Variants in CLCN4 observed in about 807,000 individuals in gnomAD.
The protein encoded by CLCN4 is Cl-/H+ antiporter 4.
CLCN4 carries 1 observed loss-of-function variant against 41.7 expected under a neutral mutation model. The ratio of observed to expected loss-of-function variants is 0.02; its 90% CI spans 0.01 to 0.11. The LOEUF (loss-of-function observed/expected upper bound fraction) is 0.11, where lower values mean the gene tolerates loss of function less well. Ranked by LOEUF, CLCN4 falls within the 10% of genes least tolerant of loss-of-function variation. The pLI is 1.00. For missense variants in CLCN4, 287 were observed against 661.0 expected (o/e 0.43, Z 6.20); for synonymous variants, 277 against 285.8 (o/e 0.97, Z 0.31).
intron 11 of CLCN4, among the ~76,000 whole-genome samples, chrX:10,215,620 A>G (rs1351833856): frequency 2.7e-5 from 3 of 111,632 alleles, no homozygotes; most frequent in Non-Finnish European, 5.6e-5. Flanking sequence ...TTCATTCCCT[A>G]GGATCTTTTA....
intron 12 of CLCN4, among the ~76,000 whole-genome samples, chrX:10,222,874 TC>T (rs1924896161): frequency 8.9e-6 from 1 of 112,261 alleles, no homozygotes; most frequent in Admixed American, 9.4e-5. Context: ...CAGAGCAGTG[TC>T]TTGCATGTGG....
chrX:10,225,828 C>T (rs1005182930), intron 12 of CLCN4, among the ~76,000 whole-genome samples: 5 of 111,807 alleles, frequency 4.5e-5, no homozygotes, highest in Non-Finnish European at 7.5e-5. Context: ...CCAATTCTCC[C>T]AGCATCATTT....
Position 10,233,479 on chromosome X carries a change from T to C in CLCN4, c.2193-15T>C. On this transcript the variant is annotated splice_polypyrimidine_tract_variant and intron_variant, in intron 12 of 12. Coordinates refer to ENST00000380833, the MANE Select transcript of CLCN4 (RefSeq NM_001830.4). ...TCAAGGCTGACCTCTTTTCTCTATT[T>C]TGTTTCTTCTCCAGGAGACTTCTTG... 1 of 1,178,006 alleles carries C rather than the reference T, an allele frequency of 8.5e-7. No homozygotes were observed. Among genetic ancestry groups the C allele is most frequent in the Non-Finnish European group, 1.2e-6 (1 of 865,192 alleles).
intron 2 of CLCN4, among the ~76,000 whole-genome samples, chrX:10,168,961 T>G (rs1006625107): frequency 9.0e-6 from 1 of 111,071 alleles, no homozygotes; most frequent in Non-Finnish European, 1.9e-5. Flanking sequence ...CATAGCCCTG[T>G]ATAGCCTAAT....
intron 6 of CLCN4, among the ~76,000 whole-genome samples, chrX:10,202,619 A>G (rs1472684631): frequency 1.2e-5 from 1 of 82,291 alleles, no homozygotes; most frequent in African/African-American, 4.9e-5. Flanking sequence ...AGCCTGGGTG[A>G]CAGAGCCAGA....
At chrX:10,168,639 C>G (rs1923307819) in intron 2 of CLCN4, among the ~76,000 whole-genome samples, 1 of 111,784 alleles carries the variant, frequency 8.9e-6, no homozygotes, top group East Asian at 2.8e-4. Context: ...TAATTGAAAT[C>G]CATGTGCAGA....
In CLCN4 at chrX:10,213,967, C is replaced by T. The variant is rs36049237; in HGVS notation, c.1863C>T (p.Asp621=). 307 of 1,210,441 alleles carry T rather than the reference C, an allele frequency of 2.5e-4. No homozygotes were observed. Among genetic ancestry groups the T allele is most frequent in the South Asian group, 5.3e-5 (3 of 56,792 alleles). Reference sequence around the variant, plus strand: ...CCCAGGACAGCATGACTGTCGAGGACGTGGAGACGCTCATCAAGGAGACCG... The same window carrying T: ...CCCAGGACAGCATGACTGTCGAGGATGTGGAGACGCTCATCAAGGAGACCG... The part of the protein sequence containing the change: ...VLTQDSMTVE[D]VETLIKETDY... Residue 621 remains aspartate (D), a synonymous_variant, in exon 11 of 13, where the codon GAC becomes GAT. Transcript: ENST00000380833.
At chrX:10,213,647 C>T (rs1269010560) in intron 10 of CLCN4, 34 bp from the exon 11 acceptor site, 1 of 1,168,954 alleles carries the variant, frequency 8.6e-7, no homozygotes, top group East Asian at 3.0e-5. Context: ...GCCCGGCTTG[C>T]ACTTTGGAAT....
chrX:10,171,621 G>A (rs2061624442), intron 2 of CLCN4, among the ~76,000 whole-genome samples: 1 of 111,976 alleles, frequency 8.9e-6, no homozygotes, highest in Non-Finnish European at 1.9e-5. Flanking sequence ...ATCACCTCTG[G>A]GTCTGGTGAT....
chrX:10,167,471 C>A (rs975798751), intron 2 of CLCN4, among the ~76,000 whole-genome samples: 1 of 112,518 alleles, frequency 8.9e-6, no homozygotes, highest in African/African-American at 3.2e-5. Context: ...TCCAGGTGTT[C>A]ATGCTCATGT....
chrX:10,179,688 T>C (rs1356121723), intron 2 of CLCN4, among the ~76,000 whole-genome samples: 1 of 111,429 alleles, frequency 9.0e-6, no homozygotes, highest in Non-Finnish European at 1.9e-5. Context: ...CAAGGCGACA[T>C]GCAGGGGGAT....
chrX:10,196,789 C>CCT (rs1422234551), intron 5 of CLCN4, among the ~76,000 whole-genome samples: 2 of 111,705 alleles, frequency 1.8e-5, no homozygotes, highest in Non-Finnish European at 3.8e-5. Context: ...ATTCTTCTCT[C>CCT]CTACTTGCAA....
intron 11 of CLCN4, among the ~76,000 whole-genome samples, chrX:10,215,861 C>T (rs1298438521): frequency 8.9e-6 from 1 of 112,008 alleles, no homozygotes; most frequent in Non-Finnish European, 1.9e-5. Flanking sequence ...AGGCACCACA[C>T]GGTGTAAATA....
At chrX:10,179,564 G>A (rs1454567555) in intron 2 of CLCN4, among the ~76,000 whole-genome samples, 2 of 110,980 alleles carry the variant, frequency 1.8e-5, no homozygotes, top group African/African-American at 6.6e-5. Context: ...TCCCCCAGAA[G>A]GTCCCCCAGA....
chrX:10,191,870 C>T (rs977493538), intron 4 of CLCN4, among the ~76,000 whole-genome samples: 2 of 109,009 alleles, frequency 1.8e-5, no homozygotes, highest in Non-Finnish European at 3.8e-5. Flanking sequence ...CTTTAATATA[C>T]TTATTTTCTC....
intron 6 of CLCN4, among the ~76,000 whole-genome samples, chrX:10,203,866 CA>C (rs1171904537): frequency 9.0e-6 from 1 of 111,704 alleles, no homozygotes; most frequent in Non-Finnish European, 1.9e-5. Flanking sequence ...GCAATGCCCA[CA>C]AGGAGGTGTT....
chrX:10,224,293 CGTGTGT>C (rs772983564), intron 12 of CLCN4, among the ~76,000 whole-genome samples: 1,589 of 87,870 alleles, frequency 0.018, 33 homozygotes, highest in African/African-American at 0.05. Context: ...GGGAGGGTTC[CGTGTGT>C]GTGTGTGTGT....
chrX:10,168,588 C>T (rs1007744), intron 2 of CLCN4, among the ~76,000 whole-genome samples: 31,375 of 111,513 alleles, frequency 0.28, 3,785 homozygotes, highest in African/African-American at 0.46. Context: ...TGAGATTTAA[C>T]TCCAGCTGAT....
At chrX:10,219,175 A>C (rs1191256802) in intron 11 of CLCN4, among the ~76,000 whole-genome samples, 2 of 112,340 alleles carry the variant, frequency 1.8e-5, no homozygotes, top group Non-Finnish European at 3.8e-5. Flanking sequence ...CCATTTATTA[A>C]ATTGTATTTG....
Sources: gnomAD v4.1 joint callset for allele counts (sites outside exome capture counted in the v4.1 genomes callset) on GRCh38, gnomAD v4.1.1 for gene constraint, MANE v1.5 for transcripts, NCBI Gene and HGNC (gene_info 2026-07-23, HGNC 2026-07-21) for gene names.